Variants in AK8 observed in about 807,000 individuals in gnomAD.
AK8 encodes the protein adenylate kinase 8.
In AK8, 44 loss-of-function variants were observed where a neutral mutation model predicts 54.6. The observed-to-expected ratio is 0.81, with a 90% CI of 0.63 to 1.04. AK8 has a LOEUF of 1.04. Ranked by LOEUF, AK8 falls within the 50% of genes least tolerant of loss-of-function variation. The probability of loss-of-function intolerance (pLI) is 0.00; values close to 1 mark genes in which losing one functional copy is unlikely to be tolerated. For synonymous variants in AK8, 239 were observed against 245.6 expected (o/e 0.97, Z 0.25); for missense variants, 555 against 613.6 (o/e 0.90, Z 1.01).
intron 11 of AK8, among the ~76,000 whole-genome samples, chr9:132,741,224 C>T (rs1837375362): frequency 1.3e-5 from 2 of 152,224 alleles, no homozygotes; most frequent in African/African-American, 4.8e-5. Flanking sequence ...TTCCTGGTTC[C>T]AGGCAGGGCC....
chr9:132,780,312 G>A (rs2131124499), intron 11 of AK8, among the ~76,000 whole-genome samples: 1 of 152,342 alleles, frequency 6.6e-6, no homozygotes, highest in Admixed American at 6.5e-5. Context: ...TGAGGGGACA[G>A]GCTTGGCCCC....
intron 5 of AK8, among the ~76,000 whole-genome samples, chr9:132,851,212 C>A (rs1048968745): frequency 1.3e-5 from 2 of 152,220 alleles, no homozygotes; most frequent in Non-Finnish European, 2.9e-5. Context: ...TTTTCTCACA[C>A]TCCTGCCTCC....
intron 10 of AK8, among the ~76,000 whole-genome samples, chr9:132,800,221 C>T (rs991522849): frequency 3.9e-5 from 6 of 152,180 alleles, no homozygotes; most frequent in African/African-American, 1.2e-4. Context: ...GTCTCGCTGC[C>T]GTCACCAGAA....
intron 10 of AK8, among the ~76,000 whole-genome samples, chr9:132,804,339 C>G (rs1034147240): frequency 6.6e-6 from 1 of 152,090 alleles, no homozygotes. Context: ...AGCAGCCGGC[C>G]GAGCAGACAG....
chr9:132,853,078 C>T (rs563909381), intron 5 of AK8, among the ~76,000 whole-genome samples: 5 of 151,988 alleles, frequency 3.3e-5, no homozygotes, highest in South Asian at 4.2e-4. Context: ...AAAAATAGGC[C>T]GGGCACGGTA....
At chr9:132,820,673 T>G (rs1841550712) in intron 9 of AK8, among the ~76,000 whole-genome samples, 6 of 152,232 alleles carry the variant, frequency 3.9e-5, no homozygotes, top group Admixed American at 3.9e-4. Flanking sequence ...CCGTATATAC[T>G]CCCATCATCC....
At chr9:132,735,284 CCTT>C (rs1400437083) in intron 11 of AK8, among the ~76,000 whole-genome samples, 2 of 152,198 alleles carry the variant, frequency 1.3e-5, no homozygotes, top group African/African-American at 4.8e-5. Context: ...TCCTCAATGA[CCTT>C]GAAGCTCATC....
chr9:132,789,716 A>T (rs1839868513), intron 11 of AK8, among the ~76,000 whole-genome samples: 1 of 152,086 alleles, frequency 6.6e-6, no homozygotes, highest in South Asian at 2.1e-4. Flanking sequence ...GCTTAGGTCA[A>T]GGTATCAGCC....
chr9:132,833,831 T>C (rs111350346), intron 5 of AK8, among the ~76,000 whole-genome samples: 28 of 152,280 alleles, frequency 1.8e-4, no homozygotes, highest in African/African-American at 6.5e-4. Context: ...CACTGGCCTC[T>C]TTTGCCCTCC....
At chr9:132,743,460 A>T (rs937234229) in intron 11 of AK8, among the ~76,000 whole-genome samples, 2 of 152,226 alleles carry the variant, frequency 1.3e-5, no homozygotes, top group African/African-American at 4.8e-5. Context: ...TCTGGTGAAA[A>T]GTTACATAAG....
chr9:132,873,076 G>A (rs1303680044), intron 2 of AK8, among the ~76,000 whole-genome samples: 1 of 152,178 alleles, frequency 6.6e-6, no homozygotes, highest in Non-Finnish European at 1.5e-5. Context: ...GCCTCCCAAA[G>A]TGCTGGGATT....
chr9:132,860,677 C>G lies in AK8; in HGVS notation c.333+2988G>C, dbSNP rs948985027. ...GACACTGCCAGTTATTAATCATGCC[C>G]TGGCCATTTGGGATAGGTGGCTATA... On this transcript the variant is annotated intron_variant, in intron 4 of 12. Transcript: ENST00000298545. This position sits in a 1 kb window ranked among gnomAD's most constrained non-coding sequence, Gnocchi z 4.4. Among the ~76,000 whole-genome samples the G allele has an allele frequency of 1.3e-5, 2 of 152,212 alleles. No individual in the cohort carries two copies. Among genetic ancestry groups the G allele is most frequent in the Non-Finnish European group, 2.9e-5 (2 of 68,026 alleles).
Position 132,725,701 on chromosome 9 carries a change from T to C in AK8, c.1427A>G (p.Lys476Arg), listed in dbSNP as rs199655656. 2.5e-4 allele frequency: 401 copies of C among 1,575,000 alleles called. No individual in the cohort carries two copies. Among genetic ancestry groups the C allele is most frequent in the Non-Finnish European group, 2.6e-4 (306 of 1,157,384 alleles). ...IESGIINPLP[K>R]KIP Reference sequence around the variant, plus strand: ...GCTCTGAACCCATCAGGGGATTTTCTTGGGCAGGGGATTAATGATCCCACT... The same window carrying C: ...GCTCTGAACCCATCAGGGGATTTTCCTGGGCAGGGGATTAATGATCCCACT... The change falls in exon 13 of 13, where the codon AAG becomes AGG. Residue 476 changes from lysine to arginine, a missense_variant. Transcript: ENST00000298545.
At chr9:132,767,507 G>A (rs1233515882) in intron 11 of AK8, among the ~76,000 whole-genome samples, 2 of 152,130 alleles carry the variant, frequency 1.3e-5, no homozygotes, top group Non-Finnish European at 2.9e-5. Context: ...CTTTGTTAGC[G>A]GGGCTGTAAA....
intron 11 of AK8, among the ~76,000 whole-genome samples, chr9:132,738,972 C>CT (rs1288914804): frequency 6.6e-6 from 1 of 151,478 alleles, no homozygotes; most frequent in African/African-American, 2.4e-5. Context: ...CCAGGCTGGT[C>CT]TTGAATTCCT....
intron 1 of AK8, chr9:132,877,964 C>T: frequency 7.4e-7 from 1 of 1,348,674 alleles, no homozygotes; most frequent in Non-Finnish European, 1.0e-6. Flanking sequence ...CTGGGTCCGC[C>T]TGAGGCAAAC....
At chr9:132,761,838 T>TTCTTTCTTCTTTTCTTTTCTTCCTCTCTC (rs1564388250) in intron 11 of AK8, among the ~76,000 whole-genome samples, 1 of 149,946 alleles carries the variant, frequency 6.7e-6, no homozygotes, top group Non-Finnish European at 1.5e-5. Context: ...CTCTCTCTCT[T>TTCTTTCTTCTTTTCTTTTCTTCCTCTCTC]TCTTTCTTCT....
chr9:132,821,798 CATATATGTGTATGTATATACAA>C (rs2131287050), intron 9 of AK8, among the ~76,000 whole-genome samples: 1 of 114,988 alleles, frequency 8.7e-6, no homozygotes, highest in Non-Finnish European at 1.8e-5. Context: ...CAAATATATA[CATATATGTGTATGTATATACAA>C]ATATATACAT....
intron 10 of AK8, among the ~76,000 whole-genome samples, chr9:132,798,009 C>T (rs1337714226): frequency 6.6e-6 from 1 of 152,226 alleles, no homozygotes; most frequent in Non-Finnish European, 1.5e-5. Flanking sequence ...CACATTTTGG[C>T]TCACAGTTCC....
Sources: gnomAD v4.1 joint callset for allele counts (sites outside exome capture counted in the v4.1 genomes callset) on GRCh38, gnomAD v4.1.1 for gene constraint, Gnocchi (gnomAD v3.1) non-coding constraint, MANE v1.5 for transcripts, NCBI Gene and HGNC (gene_info 2026-07-23, HGNC 2026-07-21) for gene names.